SPOP: variants seen among roughly 807,000 people sequenced by gnomAD.
SPOP encodes the protein speckle-type POZ protein.
In SPOP, 11 loss-of-function variants were observed where a neutral mutation model predicts 45.6. The observed-to-expected ratio is 0.24, with a 90% CI of 0.15 to 0.40. SPOP has a LOEUF of 0.40. Ranked by LOEUF, SPOP falls within the 10% of genes least tolerant of loss-of-function variation. The probability of loss-of-function intolerance (pLI) is 1.00; values close to 1 mark genes in which losing one functional copy is unlikely to be tolerated. For missense variants in SPOP, 152 were observed against 465.6 expected, an observed-to-expected ratio of 0.33 and a Z score of 6.20; for synonymous variants, 166 against 166.3, an observed-to-expected ratio of 1.00 and a Z score of 0.01.
chr17:49,665,279 T>A (rs948752440), intron 1 of SPOP, among the ~76,000 whole-genome samples: 2 of 152,096 alleles, frequency 1.3e-5, no homozygotes, highest in Non-Finnish European at 2.9e-5. Context: ...CCATTATATA[T>A]CATGTGAATA....
Position 49,619,402 on chromosome 17 carries a change from G to GAA in SPOP, c.201-19_201-18dup, listed in dbSNP as rs369584356. 2.1e-6 allele frequency: 3 copies of GAA among 1,448,636 alleles called. No homozygotes were observed. The highest frequency in any genetic ancestry group is 2.2e-5 in the Admixed American group (1 of 44,550). The allele number at this position is 1,448,636 out of a possible 1,614,324, so 89.7% of individuals were successfully genotyped here. On this transcript the variant is annotated splice_polypyrimidine_tract_variant and intron_variant, in intron 3 of 9. Transcript: ENST00000504102. This position sits in a 1 kb window ranked among gnomAD's most constrained non-coding sequence, Gnocchi z 4.9. Reference sequence around the variant, plus strand: ...CGCAAACACCTGTCCAAAACAGATAGAAAAAAAAAATGTCAAAAGCATCCA... The same window carrying GAA: ...CGCAAACACCTGTCCAAAACAGATAGAAAAAAAAAAAATGTCAAAAGCATCCA...
At chr17:49,611,660 T>C (rs2071975849) in intron 5 of SPOP, among the ~76,000 whole-genome samples, 1 of 152,148 alleles carries the variant, frequency 6.6e-6, no homozygotes, top group Admixed American at 6.6e-5. Flanking sequence ...TTCTATACCA[T>C]CTCAGGACAA....
chr17:49,667,190 A>AG (rs1242970393), intron 1 of SPOP, among the ~76,000 whole-genome samples: 1 of 151,726 alleles, frequency 6.6e-6, no homozygotes, highest in African/African-American at 2.4e-5. Flanking sequence ...AAAAAAAAAA[A>AG]AAAAAAAAAA....
chr17:49,607,820 TC>T, intron 7 of SPOP, 53 bp downstream of exon 7: 1 of 1,522,706 alleles, frequency 6.6e-7, no homozygotes, highest in African/African-American at 1.4e-5. Flanking sequence ...AAGTGGGAAA[TC>T]ATCTGACTCT....
intron 5 of SPOP, among the ~76,000 whole-genome samples, chr17:49,613,672 G>C (rs550465571): frequency 1.1e-4 from 17 of 152,304 alleles, no homozygotes; most frequent in Non-Finnish European, 2.2e-4. Context: ...GGCTTGTTCT[G>C]TAGATATATA....
intron 1 of SPOP, among the ~76,000 whole-genome samples, chr17:49,642,158 G>A (rs940512097): frequency 6.6e-6 from 1 of 151,974 alleles, no homozygotes; most frequent in Non-Finnish European, 1.5e-5. Flanking sequence ...CAATATGTAG[G>A]ATAAAGATTG....
chr17:49,657,726 A>T, intron 1 of SPOP, among the ~76,000 whole-genome samples: 1 of 101,666 alleles, frequency 9.8e-6, no homozygotes, highest in African/African-American at 3.8e-5. Context: ...TTTGAAACAG[A>T]GTCTTGCTCT....
At chr17:49,607,835 T>A (rs776462807) in intron 7 of SPOP, 39 bp downstream of exon 7, 1 of 1,582,230 alleles carries the variant, frequency 6.3e-7, no homozygotes, top group African/African-American at 1.4e-5. Context: ...TGACTCTAGA[T>A]ACCTGGCTAA....
intron 9 of SPOP, chr17:49,601,023 C>G (rs1308461859): frequency 6.4e-6 from 1 of 155,534 alleles, no homozygotes; most frequent in Non-Finnish European, 1.4e-5. Flanking sequence ...AGTAAGCACT[C>G]AAAGGAACTC....
intron 1 of SPOP, among the ~76,000 whole-genome samples, chr17:49,677,669 G>A (rs1179028157): frequency 6.6e-6 from 1 of 152,012 alleles, no homozygotes; most frequent in Non-Finnish European, 1.5e-5. Context: ...TGGCAAGGGG[G>A]ATGGGGCTGG....
intron 1 of SPOP, among the ~76,000 whole-genome samples, chr17:49,641,263 CAAAAAAAAAAAAAAAAA>C (rs34207707): frequency 2.1e-5 from 1 of 47,548 alleles, no homozygotes; most frequent in Non-Finnish European, 3.7e-5. Flanking sequence ...ACTCTGTCTC[CAAAAAAAAAAAAAAAAA>C]AAAAAAAAAA....
At chr17:49,677,806 C>T in intron 1 of SPOP, 127 bp downstream of exon 1, 1 of 351,964 alleles carries the variant, frequency 2.8e-6, no homozygotes, top group Non-Finnish European at 4.7e-6. Context: ...GGAAATGGGA[C>T]TGAGGAGAGT....
intron 1 of SPOP, among the ~76,000 whole-genome samples, chr17:49,642,607 G>T (rs2072678941): frequency 6.6e-6 from 1 of 152,132 alleles, no homozygotes; most frequent in Non-Finnish European, 1.5e-5. Context: ...AAAAATAATG[G>T]TTTTTTACTT....
intron 1 of SPOP, among the ~76,000 whole-genome samples, chr17:49,677,694 G>C (rs556949003): frequency 6.6e-6 from 1 of 152,052 alleles, no homozygotes; most frequent in South Asian, 2.1e-4. Context: ...TGATGGGGGG[G>C]CTGAAGGCAG....
At position 49,619,400 on chromosome 17, in the gene SPOP, T is replaced by C. The variant is rs748354910; in HGVS notation, c.201-15A>G. The C allele has an allele frequency of 3.8e-6, 6 of 1,571,034 alleles. No homozygotes were observed. Among genetic ancestry groups the C allele is most frequent in the Admixed American group, 2.0e-5 (1 of 49,378 alleles). On this transcript the variant is annotated splice_polypyrimidine_tract_variant and intron_variant, in intron 3 of 9. Coordinates refer to ENST00000504102, the MANE Select transcript of SPOP (RefSeq NM_001007228.2). This position sits in a 1 kb window ranked among gnomAD's most constrained non-coding sequence, Gnocchi z 4.9. ...CTCGCAAACACCTGTCCAAAACAGA[T>C]AGAAAAAAAAAATGTCAAAAGCATC...
intron 1 of SPOP, chr17:49,668,061 A>C (rs2143563593): frequency 6.6e-6 from 1 of 152,290 alleles, no homozygotes; most frequent in Middle Eastern, 3.4e-3. Flanking sequence ...CAGAAAGTAG[A>C]AGGGTGGTTC....
chr17:49,617,536 A>C (rs1308909647), intron 5 of SPOP, among the ~76,000 whole-genome samples: 1 of 152,226 alleles, frequency 6.6e-6, no homozygotes, highest in East Asian at 1.9e-4. Flanking sequence ...GAGAGGGGAT[A>C]CCAAATTATG....
At chr17:49,667,424 T>C in intron 1 of SPOP, among the ~76,000 whole-genome samples, 1 of 151,174 alleles carries the variant, frequency 6.6e-6, no homozygotes, top group South Asian at 2.1e-4. Flanking sequence ...ACCTCGTCTC[T>C]ACTAAAATAC....
chr17:49,636,679 G>A lies in SPOP; in HGVS notation c.-66-13803C>T, dbSNP rs2072548282. 3 of 152,042 alleles carry A rather than the reference G, an allele frequency of 2.0e-5. No individual in the cohort carries two copies. The South Asian group carries it at 6.2e-4, about 32-fold the overall frequency. 9.4% of individuals were successfully genotyped at this position (152,042 alleles called of 1,614,324 possible). ...AAGAGGTGTATTTTTAAAAGTCATG[G>A]TAAATGTTTTTATGCATTTCATTCT... On this transcript the variant is annotated intron_variant, in intron 1 of 9. Transcript: ENST00000504102.
Sources: gnomAD v4.1 joint callset for allele counts (sites outside exome capture counted in the v4.1 genomes callset) on GRCh38, gnomAD v4.1.1 for gene constraint, Gnocchi (gnomAD v3.1) non-coding constraint, MANE v1.5 for transcripts, NCBI Gene and HGNC (gene_info 2026-07-23, HGNC 2026-07-21) for gene names.